EDNRB: variants seen among roughly 807,000 people sequenced by gnomAD.
EDNRB encodes Hirschsprung disease 2.
Under a neutral mutation model 46.4 loss-of-function variants are expected in EDNRB, and 18 were observed. The observed-to-expected ratio is 0.39, with a 90% confidence interval of 0.27 to 0.57. The LOEUF (loss-of-function observed/expected upper bound fraction) is 0.57. Among genes scored for constraint, EDNRB ranks in the 20% least tolerant of loss-of-function variants. The probability of loss-of-function intolerance (pLI) is 0.61; values close to 1 mark genes in which losing one functional copy is unlikely to be tolerated. For missense variants in EDNRB, 434 were observed against 537.5 expected, an observed-to-expected ratio of 0.81 and a Z score of 1.90; for synonymous variants, 213 against 204.9, an observed-to-expected ratio of 1.04 and a Z score of -0.34.
intron 5 of EDNRB, 69 bp from the exon 6 acceptor site, chr13:77,900,036 T>C: frequency 7.3e-7 from 1 of 1,370,758 alleles, no homozygotes; most frequent in Non-Finnish European, 1.0e-6. Context: ...TTGTAGCTTC[T>C]GTGCTTTTGT....
At chr13:77,938,732 GA>G (rs1193832096) in intron 1 of EDNRB, among the ~76,000 whole-genome samples, 1 of 152,208 alleles carries the variant, frequency 6.6e-6, no homozygotes. Context: ...TTGAAATTAA[GA>G]GAAGGGAGAG....
intron 1 of EDNRB, among the ~76,000 whole-genome samples, chr13:77,957,753 T>TCC (rs889557009): frequency 6.6e-6 from 1 of 152,234 alleles, no homozygotes. Context: ...TCCACTCATA[T>TCC]CCTATGATAT....
intron 4 of EDNRB, 59 bp downstream of exon 4, chr13:77,900,999 T>C (rs1177231031): frequency 6.3e-7 from 1 of 1,583,994 alleles, no homozygotes; most frequent in Non-Finnish European, 8.6e-7. Flanking sequence ...ATCATCATAA[T>C]TTTCATATTC....
chr13:77,904,870 A>G (rs931399737), intron 1 of EDNRB, among the ~76,000 whole-genome samples: 18 of 151,986 alleles, frequency 1.2e-4, no homozygotes, highest in African/African-American at 3.9e-4. Context: ...TTGAGACACA[A>G]TGGAGTCTTT....
chr13:77,919,474 A>T, upstream of EDNRB: 1 of 1,612,820 alleles, frequency 6.2e-7, no homozygotes, highest in Middle Eastern at 1.7e-4. Context: ...GCTGGGTTCC[A>T]GCCTGCTCTG....
chr13:77,898,467 T>A, intron 6 of EDNRB, 133 bp from the exon 7 acceptor site: 2 of 1,289,042 alleles, frequency 1.6e-6, no homozygotes, highest in Non-Finnish European at 2.1e-6. Context: ...TCTTTTATTT[T>A]CCCTCTTAAA....
At chr13:77,909,074 G>A (rs1393762341) in intron 1 of EDNRB, among the ~76,000 whole-genome samples, 1 of 151,912 alleles carries the variant, frequency 6.6e-6, no homozygotes, top group African/African-American at 2.4e-5. Context: ...GGCTTATACT[G>A]CTTCTCTAGA....
At chr13:77,955,845 GTATC>G (rs61434836) in intron 1 of EDNRB, among the ~76,000 whole-genome samples, 33,292 of 145,534 alleles carry the variant, frequency 0.23, 3,917 homozygotes, top group East Asian at 0.36. Context: ...ATGTGTGTGT[GTATC>G]TATCTATCTA....
In EDNRB at chr13:77,895,645, T is replaced by TA. The variant is rs547145386; in HGVS notation, c.*2554dup. On this transcript the variant is annotated 3_prime_UTR_variant, in exon 7 of 7. Transcript: ENST00000646607. ...GTACAGTGAAAAATAAGGTAGTTGT[T>TA]AAAAAAACTTAAATTTTTATTGGTT... The TA allele has an allele frequency of 1.3e-5, 2 of 152,052 alleles. No homozygotes were observed. The highest frequency in any genetic ancestry group is 2.4e-5 in the African/African-American group (1 of 41,422). 9.4% of individuals were successfully genotyped at this position (152,052 alleles called of 1,614,324 possible). A position where few individuals can be genotyped will look rare whatever the true frequency, so the allele number is the denominator to read the frequency against.
chr13:77,921,932 G>A (rs1566319756), upstream of EDNRB, among the ~76,000 whole-genome samples: 1 of 152,136 alleles, frequency 6.6e-6, no homozygotes, highest in East Asian at 1.9e-4. Context: ...CATGCCTTGA[G>A]CAGTACTGCT....
At chr13:77,902,034 T>A (rs149897842) in intron 3 of EDNRB, among the ~76,000 whole-genome samples, 1 of 152,052 alleles carries the variant, frequency 6.6e-6, no homozygotes, top group African/African-American at 2.4e-5. Context: ...ACACTCAGGA[T>A]CTATCTTCTG....
intron 5 of EDNRB, among the ~76,000 whole-genome samples, 156 bp from the exon 6 acceptor site, chr13:77,900,123 C>G (rs1399579879): frequency 6.6e-6 from 1 of 151,994 alleles, no homozygotes; most frequent in Non-Finnish European, 1.5e-5. Flanking sequence ...CTGCCTGTCT[C>G]TGTCTGTGTC....
At chr13:77,912,525 A>G (rs1481680917) in intron 1 of EDNRB, among the ~76,000 whole-genome samples, 12 of 152,060 alleles carry the variant, frequency 7.9e-5, no homozygotes, top group African/African-American at 2.7e-4. Context: ...TCATTTGGAC[A>G]TCAGTAAAAA....
At chr13:77,937,445 G>A (rs1378705148) in intron 1 of EDNRB, among the ~76,000 whole-genome samples, 2 of 152,174 alleles carry the variant, frequency 1.3e-5, no homozygotes, top group African/African-American at 4.8e-5. Flanking sequence ...TGACATTTAA[G>A]TCACTCCAGG....
At chr13:77,947,017 G>A (rs1489778474) in intron 1 of EDNRB, among the ~76,000 whole-genome samples, 3 of 152,124 alleles carry the variant, frequency 2.0e-5, no homozygotes, top group Admixed American at 6.6e-5. Context: ...TTTTTCAAAA[G>A]CCTTAGCCTA....
intron 1 of EDNRB, among the ~76,000 whole-genome samples, chr13:77,962,474 A>G (rs1881453007): frequency 6.6e-6 from 1 of 152,222 alleles, no homozygotes; most frequent in South Asian, 2.1e-4. Flanking sequence ...ACACACACAA[A>G]TCAATAAATG....
chr13:77,967,942 C>T (rs772964404), intron 1 of EDNRB, among the ~76,000 whole-genome samples: 1 of 152,118 alleles, frequency 6.6e-6, no homozygotes, highest in Admixed American at 6.6e-5. Flanking sequence ...CCTTGAGATT[C>T]TCCAACAACA....
intron 1 of EDNRB, among the ~76,000 whole-genome samples, chr13:77,916,726 TC>T (rs1055517340): frequency 6.6e-6 from 1 of 152,154 alleles, no homozygotes; most frequent in Non-Finnish European, 1.5e-5. Context: ...TCCATTTTTT[TC>T]CCCTTGTACT....
intron 3 of EDNRB, among the ~76,000 whole-genome samples, chr13:77,901,855 T>C (rs547662583): frequency 6.6e-6 from 1 of 152,128 alleles, no homozygotes; most frequent in East Asian, 1.9e-4. Context: ...CAATTTCATT[T>C]TCAATTTCAC....
Sources: allele counts gnomAD v4.1 joint callset (sites outside exome capture counted in the v4.1 genomes callset), GRCh38; gene constraint gnomAD v4.1.1; transcripts MANE v1.5; gene names NCBI Gene and HGNC (gene_info 2026-07-23, HGNC 2026-07-21).